Variants in RARS1 observed in about 807,000 individuals in gnomAD.
RARS1 encodes the protein arginyl-tRNA synthetase 1.
A neutral mutation model predicts 78.7 loss-of-function variants in RARS1; 75 were observed. The ratio of observed to expected loss-of-function variants is 0.95; its 90% CI spans 0.79 to 1.15. The LOEUF is 1.15. RARS1 is among the 50% of genes most tolerant of loss of function. RARS1 has a pLI of 0.00. For synonymous variants in RARS1, 273 were observed against 268.2 expected, an observed-to-expected ratio of 1.02 and a Z score of -0.18; for missense variants, 787 against 787.5, an observed-to-expected ratio of 1.00 and a Z score of 0.01.
intron 5 of RARS1, 77 bp from the exon 6 acceptor site, chr5:168,495,238 A>C: frequency 6.6e-7 from 1 of 1,518,222 alleles, no homozygotes; most frequent in Non-Finnish European, 8.9e-7. Context: ...CAAAATGTTT[A>C]TGCTCCTCTT....
At chr5:168,488,547 A>AG (rs1267333891) in intron 1 of RARS1, 55 bp from the exon 2 acceptor site, 1 of 1,545,378 alleles carries the variant, frequency 6.5e-7, no homozygotes, top group African/African-American at 1.4e-5. Context: ...CTTGGTAGAG[A>AG]GGGGAAATGT....
intron 1 of RARS1, 65 bp downstream of exon 1, chr5:168,486,608 A>AT: frequency 6.6e-7 from 1 of 1,526,314 alleles, no homozygotes; most frequent in Non-Finnish European, 8.9e-7. Flanking sequence ...CTCCTGCCCA[A>AT]GCGGCTTCGG....
In RARS1 at chr5:168,492,725, G is replaced by A. The variant is rs1285965903; in HGVS notation, c.247G>A (p.Val83Ile). Residue 83 changes from valine (V) to isoleucine (I), a missense_variant, in exon 3 of 15, where the codon GTC becomes ATC. Transcript: ENST00000231572. The part of the protein sequence containing the change: ...MINIISRLQE[V>I]FGHAIKAAYP... The stretch of plus-strand genomic sequence containing the variant: ...TAACATTATTAGCCGCCTACAAGAG[G>A]TCTTTGGTCATGCAATTAAGGCTGC... 5.6e-6 allele frequency: 9 copies of A among 1,612,822 alleles called. 2 individuals carry two copies. The Middle Eastern group carries it at 8.2e-4, about 147-fold the overall frequency.
intron 2 of RARS1, among the ~76,000 whole-genome samples, chr5:168,489,120 A>G (rs556372155): frequency 3.9e-5 from 6 of 152,284 alleles, no homozygotes; most frequent in African/African-American, 1.4e-4. Context: ...TTCAGGCTCA[A>G]GCAGTCATCC....
intron 11 of RARS1, among the ~76,000 whole-genome samples, chr5:168,507,707 C>T (rs899089277): frequency 2.0e-5 from 3 of 152,048 alleles, no homozygotes; most frequent in Non-Finnish European, 4.4e-5. Context: ...TTTCTAATTG[C>T]GTTTCTTCTC....
chr5:168,517,220 G>A (rs763376476), intron 13 of RARS1, among the ~76,000 whole-genome samples: 1 of 151,992 alleles, frequency 6.6e-6, no homozygotes, highest in Non-Finnish European at 1.5e-5. Context: ...TCGGCTCACT[G>A]CAACCTCCAC....
At position 168,494,116 on chromosome 5, in the gene RARS1, G is replaced by C. The variant is rs190413872; in HGVS notation, c.478+114G>C. The stretch of plus-strand genomic sequence containing the variant: ...TTAAACTTTGTATACTGAACAAGAT[G>C]GTGAAAGCACTGTGGATTGTGATAT... On this transcript the variant is annotated intron_variant, in intron 4 of 14. Coordinates refer to ENST00000231572, the MANE Select transcript of RARS1 (RefSeq NM_002887.4). The C allele has an allele frequency of 6.3e-6, 8 of 1,263,544 alleles. No homozygotes were observed. The Admixed American group carries it at 1.7e-4, about 27-fold the overall frequency. 78.3% of individuals were successfully genotyped at this position (1,263,544 alleles called of 1,614,324 possible).
intron 1 of RARS1, 111 bp downstream of exon 1, chr5:168,486,654 C>T: frequency 5.1e-6 from 6 of 1,171,078 alleles, no homozygotes; most frequent in Non-Finnish European, 7.4e-6. Flanking sequence ...TCCTGGTCCT[C>T]TCAGAGTGGA....
chr5:168,501,781 G>A (rs1246971786), intron 8 of RARS1, among the ~76,000 whole-genome samples: 3 of 151,980 alleles, frequency 2.0e-5, no homozygotes, highest in Admixed American at 6.6e-5. Context: ...ATTATCTATA[G>A]TCCCACCCAT....
chr5:168,511,247 C>T (rs1758558515), intron 12 of RARS1, among the ~76,000 whole-genome samples: 1 of 150,442 alleles, frequency 6.6e-6, no homozygotes, highest in Non-Finnish European at 1.5e-5. Flanking sequence ...GTCATGCATA[C>T]CTGAGACTGG....
rs1473664328 is a variant in RARS1, at chr5:168,486,515, C to T, written c.17C>T (p.Ser6Phe). 5.8e-6 allele frequency: 9 copies of T among 1,559,032 alleles called. No homozygotes were observed. The highest frequency in any genetic ancestry group is 4.7e-5 in the South Asian group (4 of 84,668). MDVLV[S>F]ECSARLLQQE... ...GATGGGAGGATGGACGTACTGGTGT[C>T]TGAGTGCTCCGCGCGGCTGCTGCAG... The change falls in exon 1 of 15, where the codon TCT becomes TTT. Residue 6 changes from serine to phenylalanine, a missense_variant. Ser to Phe is a radical substitution (Grantham distance 155, BLOSUM62 -2). Transcript: ENST00000231572.
chr5:168,501,721 T>G lies in RARS1; in HGVS notation c.953-280T>G, dbSNP rs573931556. Among the ~76,000 whole-genome samples, 6 of 147,100 alleles carry G rather than the reference T, an allele frequency of 4.1e-5. No individual in the cohort carries two copies. The East Asian group carries it at 7.8e-4, about 19-fold the overall frequency. On this transcript the variant is annotated intron_variant, in intron 8 of 14. Transcript: ENST00000231572. ...CTGGCTGACAGAGCGAGACTCCATC[T>G]CAAAAAATAATAATAAAAAGAAAGT...
intron 13 of RARS1, among the ~76,000 whole-genome samples, chr5:168,517,465 T>C (rs1758694416): frequency 6.6e-6 from 1 of 152,160 alleles, no homozygotes; most frequent in South Asian, 2.1e-4. Flanking sequence ...TTCAGACTTA[T>C]TTTTCTGCCT....
chr5:168,492,286 G>C lies in RARS1; in HGVS notation c.181-373G>C, dbSNP rs73314833. On this transcript the variant is annotated intron_variant, in intron 2 of 14. Coordinates refer to ENST00000231572, the MANE Select transcript of RARS1 (RefSeq NM_002887.4). ...TTTGATGGACATCATGTATTTTTTT[G>C]TTTGTTTTTTGTCCATTGAGTTTTC... is the stretch of plus-strand genomic sequence containing the variant. 8.4e-3 allele frequency among the ~76,000 whole-genome samples: 1,275 copies of C among 151,938 alleles called. 11 individuals carry two copies. The highest frequency in any genetic ancestry group is 0.028 in the African/African-American group (1,147 of 41,470).
rs370297294 is a variant in RARS1 at position 168,486,562 on chromosome 5, G to A, written c.45+19G>A. Reference sequence around the variant, plus strand: ...GCAGCAGGTTTGGACGCAGGAGACCGGCGGGAAGGCCTGAAAGAGATGGAG... The same window carrying A: ...GCAGCAGGTTTGGACGCAGGAGACCAGCGGGAAGGCCTGAAAGAGATGGAG... On this transcript the variant is annotated intron_variant, in intron 1 of 14. Transcript: ENST00000231572. 2.5e-5 allele frequency: 39 copies of A among 1,552,882 alleles called. No individual in the cohort carries two copies. In the African/African-American group the frequency reaches 3.5e-4, roughly 14 times the overall value.
intron 12 of RARS1, among the ~76,000 whole-genome samples, chr5:168,515,102 C>T (rs1012960825): frequency 6.6e-6 from 1 of 152,128 alleles, no homozygotes; most frequent in Non-Finnish European, 1.5e-5. Context: ...TAATTTTGAT[C>T]TCTTTGGTAA....
intron 6 of RARS1, among the ~76,000 whole-genome samples, chr5:168,496,764 G>T (rs569480759): frequency 6.6e-6 from 1 of 152,124 alleles, no homozygotes; most frequent in African/African-American, 2.4e-5. Context: ...GATTACAGGC[G>T]TGAGCCATTG....
intron 13 of RARS1, 74 bp downstream of exon 13, chr5:168,517,024 T>TC: frequency 6.7e-7 from 1 of 1,485,740 alleles, no homozygotes; most frequent in Admixed American, 2.0e-5. Flanking sequence ...TATTTTCTTT[T>TC]TTTTTTTTTG....
intron 12 of RARS1, among the ~76,000 whole-genome samples, chr5:168,512,444 T>C (rs1205686953): frequency 1.3e-5 from 2 of 152,160 alleles, no homozygotes; most frequent in Admixed American, 1.3e-4. Flanking sequence ...TACTAACATA[T>C]GAGAGTTTCA....
Sources: allele counts gnomAD v4.1 joint callset (sites outside exome capture counted in the v4.1 genomes callset), GRCh38; gene constraint gnomAD v4.1.1; transcripts MANE v1.5; gene names NCBI Gene and HGNC (gene_info 2026-07-23, HGNC 2026-07-21).